The following PRICKLE1 variants were observed in gnomAD, a reference collection of about 807,000 sequenced individuals.
The protein encoded by PRICKLE1 is prickle-like protein 1.
A neutral mutation model predicts 70.2 loss-of-function variants in PRICKLE1; 14 were observed. The ratio of observed to expected loss-of-function variants is 0.20; its 90% CI spans 0.13 to 0.31. The LOEUF (loss-of-function observed/expected upper bound fraction) is 0.31, where lower values mean the gene tolerates loss of function less well. Among genes scored for constraint, PRICKLE1 ranks in the 10% least tolerant of loss-of-function variants. The pLI is 1.00. For synonymous variants in PRICKLE1, 357 were observed against 379.9 expected (o/e 0.94, Z 0.70); for missense variants, 821 against 1,026.2 (o/e 0.80, Z 2.73).
chr12:42,497,159 G>A (rs1939215945), intron 1 of PRICKLE1, among the ~76,000 whole-genome samples: 1 of 152,078 alleles, frequency 6.6e-6, no homozygotes. Flanking sequence ...TGGCCCAATT[G>A]CAATATTGCT....
chr12:42,564,069 C>A (rs1940576692), intron 1 of PRICKLE1, among the ~76,000 whole-genome samples: 1 of 151,326 alleles, frequency 6.6e-6, no homozygotes, highest in Admixed American at 6.6e-5. Context: ...ACATCCTGGC[C>A]AACATGGTGA....
chr12:42,505,051 A>C (rs1939383533), intron 1 of PRICKLE1, among the ~76,000 whole-genome samples: 1 of 152,166 alleles, frequency 6.6e-6, no homozygotes, highest in Non-Finnish European at 1.5e-5. Context: ...AGGCAGGAGA[A>C]TCACTTGAAC....
At chr12:42,503,746 C>T (rs761079895) in intron 1 of PRICKLE1, among the ~76,000 whole-genome samples, 1 of 152,154 alleles carries the variant, frequency 6.6e-6, no homozygotes. Context: ...GGGTAATTCT[C>T]AGCTATGGGA....
intron 1 of PRICKLE1, among the ~76,000 whole-genome samples, chr12:42,508,710 G>A (rs1005311590): frequency 6.6e-6 from 1 of 152,184 alleles, no homozygotes; most frequent in Non-Finnish European, 1.5e-5. Context: ...GGTACCAGAA[G>A]CAGTGGAAAG....
chr12:42,502,774 C>A (rs1382749627), intron 1 of PRICKLE1, among the ~76,000 whole-genome samples: 1 of 152,000 alleles, frequency 6.6e-6, no homozygotes, highest in Admixed American at 6.6e-5. Flanking sequence ...TAAGGTTTTT[C>A]TTTATGGAGC....
intron 1 of PRICKLE1, among the ~76,000 whole-genome samples, chr12:42,580,436 A>G (rs1266752799): frequency 1.3e-5 from 2 of 152,218 alleles, no homozygotes; most frequent in Non-Finnish European, 1.5e-5. Flanking sequence ...CTGGAGAAAA[A>G]TACAATAAAT....
At chr12:42,532,771 C>T (rs1231209918) in intron 1 of PRICKLE1, among the ~76,000 whole-genome samples, 1 of 151,942 alleles carries the variant, frequency 6.6e-6, no homozygotes, top group Admixed American at 6.5e-5. Context: ...GTGGCGGGCG[C>T]CTGTAGTCCC....
At chr12:42,487,331 G>A (rs759396303) in intron 1 of PRICKLE1, among the ~76,000 whole-genome samples, 7 of 152,206 alleles carry the variant, frequency 4.6e-5, no homozygotes, top group Non-Finnish European at 1.0e-4. Context: ...CAGATACCAA[G>A]CTCTTCTTAG....
At chr12:42,504,870 C>T (rs770633705) in intron 1 of PRICKLE1, among the ~76,000 whole-genome samples, 4 of 152,106 alleles carry the variant, frequency 2.6e-5, no homozygotes, top group African/African-American at 4.8e-5. Flanking sequence ...TAGCTGGGCA[C>T]GGTCACTCAT....
chr12:42,552,079 T>A (rs1940328024), intron 1 of PRICKLE1, among the ~76,000 whole-genome samples: 1 of 89,400 alleles, frequency 1.1e-5, no homozygotes, highest in Non-Finnish European at 2.3e-5. Context: ...TTTTTTTTTT[T>A]TTTTGGAGAC....
intron 1 of PRICKLE1, among the ~76,000 whole-genome samples, chr12:42,511,079 G>A (rs1939504556): frequency 6.6e-6 from 1 of 152,214 alleles, no homozygotes; most frequent in South Asian, 2.1e-4. Flanking sequence ...TCACTGTGAT[G>A]TTTACACACA....
At chr12:42,546,287 G>C (rs545672136) in intron 1 of PRICKLE1, among the ~76,000 whole-genome samples, 4 of 152,074 alleles carry the variant, frequency 2.6e-5, no homozygotes, top group African/African-American at 9.7e-5. Context: ...GAAAAGGACT[G>C]GTAATCAATC....
chr12:42,459,662 T>C lies in PRICKLE1; in HGVS notation c.*147A>G, dbSNP rs1937719791. 2 of 927,744 alleles carry C rather than the reference T, an allele frequency of 2.2e-6. No homozygotes were observed. Among genetic ancestry groups the C allele is most frequent in the Admixed American group, 2.0e-5 (1 of 49,368 alleles). The allele number at this position is 927,744 out of a possible 1,614,324, so 57.5% of individuals were successfully genotyped here. ...AAATCACACCTTTCAAATGTTAATC[T>C]GACACTGTAAACAGCAGTTGAGTTC... On this transcript the variant is annotated 3_prime_UTR_variant, in exon 8 of 8. Transcript: ENST00000345127.
intron 1 of PRICKLE1, among the ~76,000 whole-genome samples, chr12:42,550,540 C>A (rs1940297210): frequency 6.6e-6 from 1 of 152,112 alleles, no homozygotes; most frequent in South Asian, 2.1e-4. Flanking sequence ...AATAGTCTCC[C>A]AAATGTCGTA....
intron 1 of PRICKLE1, among the ~76,000 whole-genome samples, chr12:42,536,733 T>A (rs190704178): frequency 1.3e-5 from 2 of 152,326 alleles, no homozygotes; most frequent in East Asian, 3.9e-4. Context: ...TTGGGTCATC[T>A]GATGCCTGAA....
At chr12:42,586,749 T>C (rs2120820430) in intron 1 of PRICKLE1, among the ~76,000 whole-genome samples, 1 of 152,346 alleles carries the variant, frequency 6.6e-6, no homozygotes, top group African/African-American at 2.4e-5. Flanking sequence ...TCACTCATAA[T>C]ACTTAATTCT....
chr12:42,479,044 AT>A (rs1302183611), intron 1 of PRICKLE1, among the ~76,000 whole-genome samples: 1 of 152,226 alleles, frequency 6.6e-6, no homozygotes, highest in Non-Finnish European at 1.5e-5. Flanking sequence ...TTGAGACCTG[AT>A]TTTAAAAAAT....
intron 1 of PRICKLE1, among the ~76,000 whole-genome samples, chr12:42,501,276 A>T (rs553140736): frequency 3.9e-5 from 6 of 152,200 alleles, no homozygotes; most frequent in Admixed American, 2.6e-4. Context: ...AGGATGAGGC[A>T]GGCAGATCAT....
rs888917666 is a variant in PRICKLE1, at chr12:42,492,894, G to A, written c.-48-20330C>T. Among the ~76,000 whole-genome samples, 9 of 152,254 alleles carry A rather than the reference G, an allele frequency of 5.9e-5. No homozygotes were observed. The East Asian group carries it at 1.7e-3, about 29-fold the overall frequency. ...ACTCTGGCCTGGTACATTAGATACAGCAGATACTTTACCTGGCATCTAGGG... is the reference window on the plus strand; with the variant it reads ...ACTCTGGCCTGGTACATTAGATACAACAGATACTTTACCTGGCATCTAGGG... On this transcript the variant is annotated intron_variant, in intron 1 of 7. Coordinates refer to ENST00000345127, the MANE Select transcript of PRICKLE1 (RefSeq NM_153026.3).
Sources: allele counts gnomAD v4.1 joint callset (sites outside exome capture counted in the v4.1 genomes callset), GRCh38; gene constraint gnomAD v4.1.1; transcripts MANE v1.5; gene names NCBI Gene and HGNC (gene_info 2026-07-23, HGNC 2026-07-21).